PDE4D: variants seen among roughly 807,000 people sequenced by gnomAD.
PDE4D encodes 3',5'-cyclic-AMP phosphodiesterase 4D.
PDE4D carries 24 observed loss-of-function variants against 87.4 expected under a neutral mutation model. The ratio of observed to expected loss-of-function variants is 0.27; its 90% CI spans 0.20 to 0.39. The LOEUF (loss-of-function observed/expected upper bound fraction) is 0.39, where lower values mean the gene tolerates loss of function less well. Among genes scored for constraint, PDE4D ranks in the 10% least tolerant of loss-of-function variants. PDE4D has a pLI of 1.00. For missense variants in PDE4D, 714 were observed against 1,041.0 expected, an observed-to-expected ratio of 0.69 and a Z score of 4.32; for synonymous variants, 384 against 383.2, an observed-to-expected ratio of 1.00 and a Z score of -0.02.
intron 2 of PDE4D, among the ~76,000 whole-genome samples, chr5:60,069,330 T>C (rs1439544922): frequency 6.6e-6 from 1 of 152,206 alleles, no homozygotes; most frequent in African/African-American, 2.4e-5. Flanking sequence ...TTCCACCATG[T>C]GAGACACAGT....
At chr5:59,085,984 T>C (rs1767605382) in intron 5 of PDE4D, among the ~76,000 whole-genome samples, 1 of 152,172 alleles carries the variant, frequency 6.6e-6, no homozygotes, top group African/African-American at 2.4e-5. Flanking sequence ...GATAACGATG[T>C]TGTATATATA....
intron 1 of PDE4D, among the ~76,000 whole-genome samples, chr5:59,596,244 T>C (rs1826664368): frequency 6.6e-6 from 1 of 150,652 alleles, no homozygotes; most frequent in Non-Finnish European, 1.5e-5. Flanking sequence ...ATAACATATG[T>C]ATATTACATA....
At chr5:59,115,209 T>C (rs750033335) in intron 5 of PDE4D, among the ~76,000 whole-genome samples, 3 of 152,086 alleles carry the variant, frequency 2.0e-5, no homozygotes, top group Non-Finnish European at 2.9e-5. Flanking sequence ...TTGAGCAAAA[T>C]ATAATTTTGT....
At chr5:59,874,850 C>T (rs1438683392) in intron 1 of PDE4D, among the ~76,000 whole-genome samples, 2 of 152,108 alleles carry the variant, frequency 1.3e-5, no homozygotes. Context: ...ATTTTTCTAA[C>T]CTGAGGCTAT....
chr5:59,244,773 C>A (rs1423655442), intron 1 of PDE4D, among the ~76,000 whole-genome samples: 1 of 130,386 alleles, frequency 7.7e-6, no homozygotes, highest in African/African-American at 2.9e-5. Flanking sequence ...ATATATATGA[C>A]CATAAAAATG....
chr5:59,713,951 A>T (rs1754600774), intron 1 of PDE4D, among the ~76,000 whole-genome samples: 1 of 152,170 alleles, frequency 6.6e-6, no homozygotes, highest in Non-Finnish European at 1.5e-5. Flanking sequence ...AGAGGCTGCC[A>T]TGAATGGGGA....
chr5:59,572,422 T>C (rs1211615924), intron 1 of PDE4D, among the ~76,000 whole-genome samples: 1 of 152,230 alleles, frequency 6.6e-6, no homozygotes, highest in Non-Finnish European at 1.5e-5. Flanking sequence ...TAATAGTATT[T>C]AATCAGATTT....
chr5:59,214,758 C>T (rs1750854616), intron 2 of PDE4D, among the ~76,000 whole-genome samples: 1 of 152,126 alleles, frequency 6.6e-6, no homozygotes, highest in Non-Finnish European at 1.5e-5. Context: ...GTCAATAATA[C>T]AACTGCTAAA....
intron 1 of PDE4D, among the ~76,000 whole-genome samples, chr5:59,680,151 T>A (rs1272529281): frequency 1.6e-4 from 24 of 152,138 alleles, no homozygotes. Context: ...ATACCCAACT[T>A]TTATTATCTA....
intron 1 of PDE4D, among the ~76,000 whole-genome samples, chr5:59,354,482 C>A (rs1217929644): frequency 6.6e-6 from 1 of 152,048 alleles, no homozygotes; most frequent in African/African-American, 2.4e-5. Flanking sequence ...ACTGTGCGTG[C>A]ATGTGCCTGT....
At chr5:59,739,348 A>G (rs1758530365) in intron 1 of PDE4D, among the ~76,000 whole-genome samples, 1 of 152,172 alleles carries the variant, frequency 6.6e-6, no homozygotes, top group African/African-American at 2.4e-5. Context: ...TGAACCCAAA[A>G]GGCAGAGGTT....
chr5:59,586,564 T>A, intron 1 of PDE4D: 1 of 1,377,730 alleles, frequency 7.3e-7, no homozygotes, highest in Non-Finnish European at 9.3e-7. Context: ...ACAAAAGGCC[T>A]TCCAGGATTT....
intron 1 of PDE4D, among the ~76,000 whole-genome samples, chr5:60,251,471 G>A (rs891261484): frequency 6.6e-5 from 10 of 151,836 alleles, no homozygotes; most frequent in Non-Finnish European, 1.0e-4. Context: ...TTGGTTTTCC[G>A]TTTCTGCATT....
chr5:59,458,946 C>T (rs150941164), intron 1 of PDE4D, among the ~76,000 whole-genome samples: 350 of 152,192 alleles, frequency 2.3e-3, no homozygotes, highest in Admixed American at 6.4e-3. Context: ...AAATTAACTA[C>T]GAAGTTGTTT....
intron 2 of PDE4D, among the ~76,000 whole-genome samples, chr5:60,133,380 G>A (rs1779754728): frequency 6.6e-6 from 1 of 151,978 alleles, no homozygotes; most frequent in South Asian, 2.1e-4. Context: ...CCAGACTGGA[G>A]TGCAGTGGTG....
At chr5:59,206,360 C>T (rs1181679868) in intron 2 of PDE4D, among the ~76,000 whole-genome samples, 1 of 152,108 alleles carries the variant, frequency 6.6e-6, no homozygotes, top group African/African-American at 2.4e-5. Flanking sequence ...ATTGCAAGGG[C>T]TTAGACAGTA....
At chr5:59,928,503 A>G (rs1581774598) in intron 3 of PDE4D, among the ~76,000 whole-genome samples, 2 of 152,160 alleles carry the variant, frequency 1.3e-5, no homozygotes, top group Non-Finnish European at 2.9e-5. Context: ...ACTTGAACCC[A>G]GGCGGTGGAG....
intron 1 of PDE4D, among the ~76,000 whole-genome samples, chr5:60,269,739 T>C (rs1376299058): frequency 1.3e-5 from 2 of 152,262 alleles, no homozygotes; most frequent in Admixed American, 1.3e-4. Flanking sequence ...ATATGTAAGA[T>C]GATGAATATA....
At chr5:60,336,524 T>C (rs1757764029) in intron 1 of PDE4D, among the ~76,000 whole-genome samples, 1 of 152,222 alleles carries the variant, frequency 6.6e-6, no homozygotes, top group South Asian at 2.1e-4. Context: ...ACAACACAAT[T>C]TGGCTGCAAG....
Sources: gnomAD v4.1 joint callset for allele counts (sites outside exome capture counted in the v4.1 genomes callset) on GRCh38, gnomAD v4.1.1 for gene constraint, MANE v1.5 for transcripts, NCBI Gene and HGNC (gene_info 2026-07-23, HGNC 2026-07-21) for gene names.